The following NCALD variants were observed in gnomAD, a reference collection of about 807,000 sequenced individuals.
NCALD encodes the protein neurocalcin-delta.
A neutral mutation model predicts 18.6 loss-of-function variants in NCALD; 10 were observed. The observed-to-expected ratio is 0.54, with a 90% CI of 0.33 to 0.91. The LOEUF (loss-of-function observed/expected upper bound fraction) is 0.91, where lower values mean the gene tolerates loss of function less well. NCALD is among the 40% of genes least tolerant of loss of function. The pLI is 0.03. For missense variants in NCALD, 184 were observed against 247.6 expected (o/e 0.74, Z 1.72); for synonymous variants, 88 against 87.4 (o/e 1.01, Z -0.04).
chr8:101,743,565 G>T (rs1810303225), intron 1 of NCALD, among the ~76,000 whole-genome samples: 1 of 152,168 alleles, frequency 6.6e-6, no homozygotes, highest in Non-Finnish European at 1.5e-5. Context: ...GTTGACAGGT[G>T]AGTACAAAGG....
In NCALD at chr8:101,903,147, C is replaced by T. The variant is rs151186585; in HGVS notation, c.-107+12662G>A. 3.1e-3 allele frequency among the ~76,000 whole-genome samples: 471 copies of T among 151,912 alleles called. 2 individuals are homozygous for T. The highest frequency in any genetic ancestry group is 3.4e-3 in the Non-Finnish European group (234 of 67,954). ...TTAACACTGAAAGGCTTGATAAATACTAACAGCAAATACTAAAAATAACTA... is the reference window on the plus strand; with the variant it reads ...TTAACACTGAAAGGCTTGATAAATATTAACAGCAAATACTAAAAATAACTA... On this transcript the variant is annotated intron_variant, in intron 3 of 6. Coordinates refer to the NCALD transcript ENST00000311028.
intron 2 of NCALD, among the ~76,000 whole-genome samples, chr8:101,981,492 C>T (rs919760411): frequency 4.6e-5 from 7 of 152,128 alleles, no homozygotes; most frequent in African/African-American, 1.2e-4. Flanking sequence ...GGTTCAGCAG[C>T]AGAATGTCAT....
chr8:101,889,714 G>A (rs1303792747), intron 3 of NCALD, among the ~76,000 whole-genome samples: 2 of 152,178 alleles, frequency 1.3e-5, no homozygotes, highest in Non-Finnish European at 2.9e-5. Flanking sequence ...GGCTACCTAA[G>A]GAAGAATTAG....
At chr8:101,885,827 A>G (rs1816656589) in intron 4 of NCALD, among the ~76,000 whole-genome samples, 1 of 152,200 alleles carries the variant, frequency 6.6e-6, no homozygotes, top group Non-Finnish European at 1.5e-5. Flanking sequence ...AATCCTACTC[A>G]AGCTTTACTG....
At chr8:101,763,572 A>G (rs1811204475) in intron 1 of NCALD, among the ~76,000 whole-genome samples, 1 of 152,160 alleles carries the variant, frequency 6.6e-6, no homozygotes, top group Admixed American at 6.5e-5. Context: ...TATTTGGTCA[A>G]ATATTATCCT....
intron 1 of NCALD, among the ~76,000 whole-genome samples, chr8:102,026,818 T>G (rs1822475526): frequency 6.6e-6 from 1 of 152,244 alleles, no homozygotes; most frequent in Non-Finnish European, 1.5e-5. Context: ...AGTAAACTTC[T>G]GCCTGGAGAT....
chr8:101,743,365 A>G (rs183609213), intron 1 of NCALD, among the ~76,000 whole-genome samples: 1 of 152,332 alleles, frequency 6.6e-6, no homozygotes, highest in Admixed American at 6.5e-5. Context: ...AAAAGTTGTG[A>G]TATCTATATT....
At chr8:101,809,126 T>C (rs1347926866) in intron 4 of NCALD, among the ~76,000 whole-genome samples, 1 of 152,110 alleles carries the variant, frequency 6.6e-6, no homozygotes, top group Non-Finnish European at 1.5e-5. Context: ...GCAGAAGAAA[T>C]ACTGGAAAAC....
At chr8:101,839,635 T>C (rs1458734368) in intron 4 of NCALD, among the ~76,000 whole-genome samples, 1 of 152,208 alleles carries the variant, frequency 6.6e-6, no homozygotes, top group Non-Finnish European at 1.5e-5. Flanking sequence ...TGGCCTTCTA[T>C]ATTGCTACCC....
At chr8:101,705,440 A>T (rs1016860437) in intron 2 of NCALD, among the ~76,000 whole-genome samples, 1 of 151,950 alleles carries the variant, frequency 6.6e-6, no homozygotes, top group African/African-American at 2.4e-5. Flanking sequence ...TGTTGTGAAG[A>T]TCGTATTTTC....
intron 1 of NCALD, among the ~76,000 whole-genome samples, chr8:102,034,867 A>G (rs1822805042): frequency 6.6e-6 from 1 of 152,192 alleles, no homozygotes; most frequent in Non-Finnish European, 1.5e-5. Flanking sequence ...AGGCACATTT[A>G]TAAGTGCACA....
intron 1 of NCALD, among the ~76,000 whole-genome samples, chr8:102,044,527 C>A (rs1823170590): frequency 6.6e-6 from 1 of 152,144 alleles, no homozygotes; most frequent in Non-Finnish European, 1.5e-5. Context: ...ATCTCAAAGA[C>A]AAAGTTCACC....
chr8:101,763,598 G>T lies in NCALD; in HGVS notation c.-20+27264C>A, dbSNP rs540588258. Among the ~76,000 whole-genome samples the T allele has an allele frequency of 3.0e-4, 46 of 152,166 alleles. 2 individuals carry two copies. Among genetic ancestry groups the T allele is most frequent in the Admixed American group, 2.8e-3 (43 of 15,276 alleles). On this transcript the variant is annotated intron_variant, in intron 1 of 3. Transcript: ENST00000220931. Reference sequence around the variant, plus strand: ...ATATTATCCTGGGTATTTTATGAGGGTGTTTTTGGATGAGATTACCATTTG... The same window carrying T: ...ATATTATCCTGGGTATTTTATGAGGTTGTTTTTGGATGAGATTACCATTTG...
At chr8:101,896,166 G>C (rs1279632638) in intron 3 of NCALD, among the ~76,000 whole-genome samples, 1 of 151,744 alleles carries the variant, frequency 6.6e-6, no homozygotes, top group Non-Finnish European at 1.5e-5. Context: ...CCAAAACAGA[G>C]ATATAGATCA....
At chr8:101,750,481 G>C (rs900789034) in intron 1 of NCALD, 10 of 152,332 alleles carry the variant, frequency 6.6e-5, no homozygotes, top group Non-Finnish European at 1.5e-4. Context: ...ACCCCCAGGA[G>C]AGAAGGGCGA....
intron 2 of NCALD, among the ~76,000 whole-genome samples, chr8:102,010,612 A>C (rs746493875): frequency 2.0e-5 from 3 of 152,222 alleles, no homozygotes; most frequent in Non-Finnish European, 4.4e-5. Context: ...TGGGCCTTCA[A>C]ATACACTTAG....
chr8:101,813,306 G>T (rs1813373980), intron 4 of NCALD, among the ~76,000 whole-genome samples: 1 of 152,020 alleles, frequency 6.6e-6, no homozygotes, highest in Non-Finnish European at 1.5e-5. Flanking sequence ...AGAGAAAAAG[G>T]TGTGATTAAA....
chr8:101,739,404 T>C (rs1810087263), intron 1 of NCALD, among the ~76,000 whole-genome samples: 1 of 152,242 alleles, frequency 6.6e-6, no homozygotes, highest in African/African-American at 2.4e-5. Context: ...TGATGGTTAA[T>C]ATTGAGTGTC....
chr8:101,806,292 AAGTCATG>A (rs1199137567), intron 4 of NCALD, among the ~76,000 whole-genome samples: 2 of 152,164 alleles, frequency 1.3e-5, no homozygotes, highest in Non-Finnish European at 2.9e-5. Flanking sequence ...TTTTAATGAA[AAGTCATG>A]AGACATCCAA....
Sources: gnomAD v4.1 joint callset for allele counts (sites outside exome capture counted in the v4.1 genomes callset) on GRCh38, gnomAD v4.1.1 for gene constraint, MANE v1.5 for transcripts, NCBI Gene and HGNC (gene_info 2026-07-23, HGNC 2026-07-21) for gene names.